GRIK5: variants seen among roughly 807,000 people sequenced by gnomAD.
GRIK5 encodes glutamate ionotropic receptor kainate type subunit 5.
Under a neutral mutation model 97.4 loss-of-function variants are expected in GRIK5, and 43 were observed. The ratio of observed to expected loss-of-function variants is 0.44; its 90% CI spans 0.35 to 0.57. The LOEUF (loss-of-function observed/expected upper bound fraction) is 0.57, where lower values mean the gene tolerates loss of function less well. Among genes scored for constraint, GRIK5 ranks in the 20% least tolerant of loss-of-function variants. GRIK5 has a pLI of 0.01. For synonymous variants in GRIK5, 580 were observed against 583.5 expected, an observed-to-expected ratio of 0.99 and a Z score of 0.09; for missense variants, 1,015 against 1,382.0, an observed-to-expected ratio of 0.73 and a Z score of 4.21.
rs1555871729 is a variant in GRIK5 at position 42,003,738 on chromosome 19, C to T, written c.2264-55G>A. ...CCATCGGGCCCTGCAGCCCTGACCG[C>T]CCCAAACCCCAAACTGTGCCCTCAC... On this transcript the variant is annotated intron_variant, in intron 17 of 19. Transcript: ENST00000593562. This position sits in a 1 kb window ranked among gnomAD's most constrained non-coding sequence, Gnocchi z 4.2. 9 of 1,507,844 alleles carry T rather than the reference C, an allele frequency of 6.0e-6. No individual in the cohort carries two copies. The allele number at this position is 1,507,844 out of a possible 1,614,324, so 93.4% of individuals were successfully genotyped here.
intron 12 of GRIK5, among the ~76,000 whole-genome samples, chr19:42,029,149 C>G (rs373357979): frequency 6.0e-4 from 92 of 152,076 alleles, no homozygotes; most frequent in African/African-American, 2.1e-3. Flanking sequence ...CTCACTGCAA[C>G]CTCCGCCTCC....
At chr19:42,057,363 A>G (rs570393960) in intron 6 of GRIK5, among the ~76,000 whole-genome samples, 4 of 151,866 alleles carry the variant, frequency 2.6e-5, no homozygotes, top group Non-Finnish European at 5.9e-5. Flanking sequence ...ATAGGGCAGG[A>G]AGGGGAATTA....
At chr19:42,061,135 C>T (rs1474979037) in intron 5 of GRIK5, among the ~76,000 whole-genome samples, 1 of 152,178 alleles carries the variant, frequency 6.6e-6, no homozygotes, top group Non-Finnish European at 1.5e-5. Flanking sequence ...GCAAGCTCCA[C>T]CTCCCGGGTT....
Position 42,042,676 on chromosome 19 carries a change from A to T in GRIK5, c.1349T>A (p.Met450Lys). The T allele has an allele frequency of 2.5e-6, 4 of 1,613,614 alleles. No individual in the cohort carries two copies. Among genetic ancestry groups the T allele is most frequent in the Non-Finnish European group, 3.4e-6 (4 of 1,179,990 alleles). ...CAGCAGCTCGGCCAGCTCCCGCAGC[A>T]TGTCCACGCAGAAGCCCTCGAAGCG... is the stretch of plus-strand genomic sequence containing the variant. ...NERFEGFCVD[M>K]LRELAELLRF... The change falls in exon 12 of 20, where the codon ATG (methionine) becomes AAG (lysine). Residue 450 changes from methionine to lysine, a missense_variant. Coordinates refer to ENST00000593562, the MANE Select transcript of GRIK5 (RefSeq NM_002088.5). This position sits in a 1 kb window ranked among gnomAD's most constrained non-coding sequence, Gnocchi z 6.9.
At chr19:42,048,829 A>C (rs1454019950) in intron 11 of GRIK5, among the ~76,000 whole-genome samples, 1 of 152,106 alleles carries the variant, frequency 6.6e-6, no homozygotes, top group African/African-American at 2.4e-5. Flanking sequence ...CCTTGAGCCC[A>C]GGAGTCCAAG....
intron 15 of GRIK5, among the ~76,000 whole-genome samples, chr19:42,016,255 A>C (rs1024875982): frequency 3.9e-5 from 6 of 152,150 alleles, no homozygotes; most frequent in Admixed American, 6.5e-5. Flanking sequence ...CCCCGTCTCT[A>C]CTAAAAATAC....
intron 6 of GRIK5, among the ~76,000 whole-genome samples, chr19:42,058,754 A>G (rs954816742): frequency 1.3e-5 from 2 of 150,128 alleles, no homozygotes; most frequent in African/African-American, 2.4e-5. Context: ...TGAACCTAGG[A>G]GACTGAGGTT....
At chr19:42,018,476 C>T (rs187791514) in intron 15 of GRIK5, among the ~76,000 whole-genome samples, 22 of 151,214 alleles carry the variant, frequency 1.5e-4, no homozygotes, top group Admixed American at 3.9e-4. Context: ...CTGGCCAACA[C>T]GGCAACACCC....
Position 42,062,479 on chromosome 19 carries a change from C to A in GRIK5, c.508+9G>T. 6.2e-7 allele frequency: 1 copy of A among 1,613,898 alleles called. No individual in the cohort carries two copies. The highest frequency in any genetic ancestry group is 8.5e-7 in the Non-Finnish European group (1 of 1,179,898). ...GGAACAGAAAACAAAACATTCAGTT[C>A]TCCCTCACACTCAGCCTTGGCGCAG... On this transcript the variant is annotated intron_variant, in intron 5 of 19. Transcript: ENST00000593562. This position sits in a 1 kb window ranked among gnomAD's most constrained non-coding sequence, Gnocchi z 5.3.
chr19:42,000,019 A>G (rs1286996476), intron 19 of GRIK5, among the ~76,000 whole-genome samples: 1 of 152,208 alleles, frequency 6.6e-6, no homozygotes, highest in African/African-American at 2.4e-5. Flanking sequence ...CCCAGGTGGG[A>G]GTGACTTGGC....
At chr19:42,011,515 T>C (rs2075562170) in intron 15 of GRIK5, among the ~76,000 whole-genome samples, 2 of 146,884 alleles carry the variant, frequency 1.4e-5, no homozygotes, top group African/African-American at 2.5e-5. Flanking sequence ...ATCGCGCCAC[T>C]GCACTCCAGC....
At chr19:42,067,970 C>T (rs2076361428) in intron 1 of GRIK5, among the ~76,000 whole-genome samples, 1 of 151,978 alleles carries the variant, frequency 6.6e-6, no homozygotes, top group Non-Finnish European at 1.5e-5. Context: ...GCAAGGAGGG[C>T]CAGCGAAGGC....
At position 42,005,912 on chromosome 19, in the gene GRIK5, A is replaced by C. The variant is rs2075483679; in HGVS notation, c.2074T>G (p.Tyr692Asp). 6.3e-7 allele frequency: 1 copy of C among 1,596,640 alleles called. No homozygotes were observed. Among genetic ancestry groups the C allele is most frequent in the Admixed American group, 1.7e-5 (1 of 59,186 alleles). The change falls in exon 17 of 20, where the codon TAC becomes GAC. Residue 692 changes from tyrosine to aspartate, a missense_variant. Physicochemically the swap from Tyr to Asp is radical, Grantham distance 160. This residue lies in a region of GRIK5 where 229 missense variants were observed against 341.0 expected (regional missense o/e 0.67). Transcript: ENST00000593562. ...ACGCTGGGCTGCTTCGACTGCATGT[A>C]GTTCCACATGCGCTGGTACGTTTGG... ...RYQTYQRMWN[Y>D]MQSKQPSVFV... is the part of the protein sequence containing the mutation.
At chr19:42,013,018 T>C (rs1337080131) in intron 15 of GRIK5, among the ~76,000 whole-genome samples, 1 of 152,132 alleles carries the variant, frequency 6.6e-6, no homozygotes, top group African/African-American at 2.4e-5. Context: ...CAATGGAAGA[T>C]TGAGTAGCTG....
At position 42,003,474 on chromosome 19, in the gene GRIK5, G is replaced by A. The variant is rs781882604; in HGVS notation, c.2393-21C>T. 12 of 1,613,252 alleles carry A rather than the reference G, an allele frequency of 7.4e-6. No homozygotes were observed. The Admixed American group carries it at 1.7e-4, about 22-fold the overall frequency. ...CAAACCTGGAGGGCGAAGGGAGTTG[G>A]GGGGCAAAGGGAGTTGGGGCTGTGT... On this transcript the variant is annotated intron_variant, in intron 18 of 19. Coordinates refer to ENST00000593562, the MANE Select transcript of GRIK5 (RefSeq NM_002088.5). The surrounding 1 kb of genome is among the most constrained non-coding windows in gnomAD (Gnocchi z 4.2).
In GRIK5 at chr19:42,065,565, A is replaced by G; in HGVS notation, c.79+127T>C. On this transcript the variant is annotated intron_variant, in intron 2 of 19. Transcript: ENST00000593562. This position sits in a 1 kb window ranked among gnomAD's most constrained non-coding sequence, Gnocchi z 5.8. ...CTCCTGGGTCCTGGGGGAAGGAGGA[A>G]CTGGAGGCTGGGATTCCTTGCTGCT... 1.0e-6 allele frequency: 1 copy of G among 986,292 alleles called. No individual in the cohort carries two copies. Among genetic ancestry groups the G allele is most frequent in the Non-Finnish European group, 1.5e-6 (1 of 667,566 alleles). The allele number at this position is 986,292 out of a possible 1,614,324, so 61.1% of individuals were successfully genotyped here.
chr19:42,054,073 GT>G, intron 9 of GRIK5, 144 bp from the exon 10 acceptor site: 1 of 665,028 alleles, frequency 1.5e-6, no homozygotes, highest in South Asian at 1.8e-5. Flanking sequence ...GAAGATCACA[GT>G]CAAAAGAGCA....
intron 11 of GRIK5, among the ~76,000 whole-genome samples, chr19:42,045,082 G>T (rs558513655): frequency 7.9e-5 from 12 of 152,180 alleles, no homozygotes; most frequent in African/African-American, 2.9e-4. Context: ...ATGTGGACAC[G>T]GAGGCTCAAA....
At chr19:42,055,485 C>G (rs1489052202) in intron 8 of GRIK5, among the ~76,000 whole-genome samples, 1 of 152,164 alleles carries the variant, frequency 6.6e-6, no homozygotes, top group East Asian at 1.9e-4. Flanking sequence ...CTGTTATGAG[C>G]TAGGCTGTTT....
Sources: gnomAD v4.1 joint callset for allele counts (sites outside exome capture counted in the v4.1 genomes callset) on GRCh38, gnomAD v4.1.1 for gene constraint, gnomAD v4.1.1 regional missense constraint, Gnocchi (gnomAD v3.1) non-coding constraint, MANE v1.5 for transcripts, NCBI Gene and HGNC (gene_info 2026-07-23, HGNC 2026-07-21) for gene names.